CCDC178: variants seen among roughly 807,000 people sequenced by gnomAD.
The protein encoded by CCDC178 is coiled-coil domain-containing protein 178.
A neutral mutation model predicts 117.4 loss-of-function variants in CCDC178; 126 were observed. That is an observed-to-expected ratio of 1.07 (90% CI 0.93 to 1.24). The LOEUF (loss-of-function observed/expected upper bound fraction) is 1.24. CCDC178 is among the 50% of genes most tolerant of loss of function. The probability of loss-of-function intolerance (pLI) is 0.00; values close to 1 mark genes in which losing one functional copy is unlikely to be tolerated. For synonymous variants in CCDC178, 283 were observed against 313.4 expected (o/e 0.90, Z 1.02); for missense variants, 1,030 against 986.9 (o/e 1.04, Z -0.59).
chr18:33,020,302 T>A (rs2056087427), intron 21 of CCDC178, among the ~76,000 whole-genome samples: 1 of 152,058 alleles, frequency 6.6e-6, no homozygotes. Flanking sequence ...CTGAAAGTTG[T>A]GTTGTTCTCC....
chr18:33,292,683 T>C (rs1453166003), intron 12 of CCDC178, among the ~76,000 whole-genome samples: 1 of 152,046 alleles, frequency 6.6e-6, no homozygotes, highest in East Asian at 1.9e-4. Flanking sequence ...AGACCCCTTA[T>C]AAAAATGTAC....
At chr18:33,408,243 C>T (rs2144885055) in intron 3 of CCDC178, among the ~76,000 whole-genome samples, 1 of 151,632 alleles carries the variant, frequency 6.6e-6, no homozygotes, top group East Asian at 1.9e-4. Flanking sequence ...TCTTTACAAA[C>T]CATAAAAAAA....
chr18:33,185,755 A>G (rs1295878412), intron 20 of CCDC178, among the ~76,000 whole-genome samples: 1 of 152,120 alleles, frequency 6.6e-6, no homozygotes, highest in Non-Finnish European at 1.5e-5. Flanking sequence ...ACCCTTAACA[A>G]GAGCAGAGAA....
At chr18:33,301,498 C>T (rs1284387916) in intron 11 of CCDC178, among the ~76,000 whole-genome samples, 1 of 152,226 alleles carries the variant, frequency 6.6e-6, no homozygotes, top group Non-Finnish European at 1.5e-5. Flanking sequence ...CAACTTGCAC[C>T]CTGAACCTGG....
intron 8 of CCDC178, among the ~76,000 whole-genome samples, chr18:33,346,993 T>C (rs1218034173): frequency 1.3e-5 from 2 of 152,192 alleles, no homozygotes; most frequent in Non-Finnish European, 2.9e-5. Context: ...AGTTCTGGAA[T>C]GATGCGGCTT....
intron 21 of CCDC178, among the ~76,000 whole-genome samples, chr18:33,020,009 G>A (rs1430488280): frequency 6.7e-6 from 1 of 149,922 alleles, no homozygotes; most frequent in Non-Finnish European, 1.5e-5. Flanking sequence ...GCAGTGGTGC[G>A]ATCTAAGTTC....
At chr18:33,256,091 A>G (rs563307148) in intron 14 of CCDC178, among the ~76,000 whole-genome samples, 1 of 152,114 alleles carries the variant, frequency 6.6e-6, no homozygotes, top group South Asian at 2.1e-4. Context: ...AAGAAGCTGG[A>G]CTGCTTTATG....
chr18:33,315,893 G>C (rs2062408247), intron 11 of CCDC178, among the ~76,000 whole-genome samples: 2 of 152,184 alleles, frequency 1.3e-5, no homozygotes, highest in South Asian at 4.1e-4. Context: ...ACCGATTCTT[G>C]CAAAATATAG....
chr18:33,408,083 G>A (rs1450027597), intron 3 of CCDC178, among the ~76,000 whole-genome samples: 1 of 151,586 alleles, frequency 6.6e-6, no homozygotes, highest in African/African-American at 2.4e-5. Context: ...CAGAAATGAA[G>A]TTTATTTAAA....
intron 7 of CCDC178, among the ~76,000 whole-genome samples, chr18:33,349,956 T>C (rs1333197779): frequency 6.6e-6 from 1 of 151,964 alleles, no homozygotes; most frequent in African/African-American, 2.4e-5. Context: ...ACAAATTATT[T>C]TTCTTGTCAT....
At chr18:33,144,024 T>C (rs2058241819) in intron 20 of CCDC178, among the ~76,000 whole-genome samples, 1 of 152,026 alleles carries the variant, frequency 6.6e-6, no homozygotes, top group African/African-American at 2.4e-5. Flanking sequence ...CACCTTTGAG[T>C]TTTTGTTCTA....
chr18:32,997,142 C>T (rs909429670), intron 21 of CCDC178, among the ~76,000 whole-genome samples: 2 of 152,030 alleles, frequency 1.3e-5, no homozygotes, highest in African/African-American at 2.4e-5. Flanking sequence ...GATTAAATAA[C>T]CCTAGTACTA....
chr18:33,013,022 T>C (rs1345011825), intron 21 of CCDC178, among the ~76,000 whole-genome samples: 1 of 152,158 alleles, frequency 6.6e-6, no homozygotes, highest in Non-Finnish European at 1.5e-5. Flanking sequence ...GGAGGGAAAT[T>C]TGGCATAATT....
chr18:33,164,103 CTTTTTTTTTTT>C (rs34932085), intron 20 of CCDC178, among the ~76,000 whole-genome samples: 1 of 111,382 alleles, frequency 9.0e-6, no homozygotes, highest in East Asian at 2.6e-4. Flanking sequence ...CGCTTACATT[CTTTTTTTTTTT>C]TTTTTTTTTT....
intron 20 of CCDC178, among the ~76,000 whole-genome samples, chr18:33,112,461 T>G (rs1319726784): frequency 6.6e-6 from 1 of 151,904 alleles, no homozygotes. Flanking sequence ...TTTAAAAGAT[T>G]TCGTCTAAAA....
intron 11 of CCDC178, among the ~76,000 whole-genome samples, chr18:33,311,730 A>G (rs1034413567): frequency 6.6e-6 from 1 of 152,204 alleles, no homozygotes; most frequent in Non-Finnish European, 1.5e-5. Context: ...AAAAAGATTG[A>G]CAGGGCCTGG....
At chr18:33,371,462 T>C (rs1280828358) in intron 5 of CCDC178, among the ~76,000 whole-genome samples, 2 of 152,070 alleles carry the variant, frequency 1.3e-5, no homozygotes, top group Non-Finnish European at 1.5e-5. Flanking sequence ...AAATAAATTA[T>C]ATAACTTGTC....
In CCDC178 at chr18:33,273,133, G is replaced by A. The variant is rs150455502; in HGVS notation, c.1177-5836C>T. On this transcript the variant is annotated intron_variant, in intron 12 of 22. Transcript: ENST00000383096. ...TGTATTTGCAGATAAAAGGATTTGT[G>A]TAGAGAAAGTCCTAAATAATGTATT... Among the ~76,000 whole-genome samples, 285 of 151,632 alleles carry A rather than the reference G, an allele frequency of 1.9e-3. 2 individuals are homozygous for A. Among genetic ancestry groups the A allele is most frequent in the African/African-American group, 6.5e-3 (270 of 41,498 alleles).
chr18:33,339,892 C>A (rs965646834), intron 9 of CCDC178, among the ~76,000 whole-genome samples: 2 of 151,980 alleles, frequency 1.3e-5, no homozygotes, highest in African/African-American at 4.8e-5. Flanking sequence ...TCGGGTATGT[C>A]TTTATCAGCA....
Sources: allele counts gnomAD v4.1 joint callset (sites outside exome capture counted in the v4.1 genomes callset), GRCh38; gene constraint gnomAD v4.1.1; transcripts MANE v1.5; gene names NCBI Gene and HGNC (gene_info 2026-07-23, HGNC 2026-07-21).